ESRRB: variants seen among roughly 807,000 people sequenced by gnomAD.
ESRRB encodes the protein estrogen related receptor beta.
In ESRRB, 16 loss-of-function variants were observed where a neutral mutation model predicts 46.0. The observed-to-expected ratio is 0.35, with a 90% CI of 0.24 to 0.53. The LOEUF is 0.53. Ranked by LOEUF, ESRRB falls within the 20% of genes least tolerant of loss-of-function variation. The pLI is 0.93. For missense variants in ESRRB, 488 were observed against 607.4 expected, an observed-to-expected ratio of 0.80 and a Z score of 2.07; for synonymous variants, 246 against 259.6, an observed-to-expected ratio of 0.95 and a Z score of 0.50.
At chr14:76,408,055 T>C (rs887789925) in intron 1 of ESRRB, among the ~76,000 whole-genome samples, 1 of 152,102 alleles carries the variant, frequency 6.6e-6, no homozygotes. Context: ...CTCCAGTTAT[T>C]TCTACCTGCA....
At position 76,376,847 on chromosome 14, in the gene ESRRB, A is replaced by C. The variant is rs149795753; in HGVS notation, c.50+396A>C. ...CAAGGATGTCCTGTCCCGTCAGAGAAAGCCTTTCCCGCGGGCGCTTTGTTT... is the reference window on the plus strand; with the variant it reads ...CAAGGATGTCCTGTCCCGTCAGAGACAGCCTTTCCCGCGGGCGCTTTGTTT... On this transcript the variant is annotated intron_variant, in intron 1 of 6. Coordinates refer to ENST00000644823, the MANE Select transcript of ESRRB (RefSeq NM_001379180.1). This position sits in a 1 kb window ranked among gnomAD's most constrained non-coding sequence, Gnocchi z 4.1. Among the ~76,000 whole-genome samples, 591 of 152,288 alleles carry C rather than the reference A, an allele frequency of 3.9e-3. 7 individuals are homozygous for C. Among genetic ancestry groups the C allele is most frequent in the African/African-American group, 0.013 (550 of 41,556 alleles).
At chr14:76,417,720 G>T (rs1321613372) in intron 1 of ESRRB, among the ~76,000 whole-genome samples, 1 of 152,146 alleles carries the variant, frequency 6.6e-6, no homozygotes, top group Non-Finnish European at 1.5e-5. Flanking sequence ...GTGACTTCTG[G>T]TGACAAGAGC....
intron 1 of ESRRB, among the ~76,000 whole-genome samples, chr14:76,390,677 A>G (rs1331442191): frequency 6.6e-6 from 1 of 152,152 alleles, no homozygotes; most frequent in Non-Finnish European, 1.5e-5. Context: ...TTTTATTTCT[A>G]GAGCATAAGG....
At position 76,499,279 on chromosome 14, in the gene ESRRB, A is replaced by C; in HGVS notation, c.*821A>C. 4.2e-6 allele frequency: 1 copy of C among 240,028 alleles called. No individual in the cohort carries two copies. Among genetic ancestry groups the C allele is most frequent in the Non-Finnish European group, 8.2e-6 (1 of 121,438 alleles). 14.9% of individuals were successfully genotyped at this position (240,028 alleles called of 1,614,324 possible). ...TGGCACAGAGAAGAGCGGGGACCAC[A>C]CCATCCTCCCAAGAACCCTCTCCCT... On this transcript the variant is annotated 3_prime_UTR_variant, in exon 7 of 7. Coordinates refer to ENST00000644823, the MANE Select transcript of ESRRB (RefSeq NM_001379180.1).
chr14:76,424,041 T>C (rs117178008), intron 1 of ESRRB, among the ~76,000 whole-genome samples: 1,574 of 152,318 alleles, frequency 0.01, 15 homozygotes, highest in Non-Finnish European at 0.015. Context: ...ATGTAACTCA[T>C]GACAGCACTT....
At chr14:76,435,860 A>G (rs190584204) in intron 1 of ESRRB, among the ~76,000 whole-genome samples, 630 of 152,272 alleles carry the variant, frequency 4.1e-3, no homozygotes, top group Non-Finnish European at 7.6e-3. Context: ...AAACAAAAAC[A>G]TGGAAATGAG....
chr14:76,480,714 A>G (rs1595161011), intron 3 of ESRRB, among the ~76,000 whole-genome samples: 1 of 152,198 alleles, frequency 6.6e-6, no homozygotes, highest in South Asian at 2.1e-4. Context: ...GACAGGAAGG[A>G]AGATTCTGTT....
chr14:76,358,322 AAAAAGAAAGAAAGAAAGAAAGAAAGAAAG>A (rs1884410682), intron 1 of ESRRB, among the ~76,000 whole-genome samples: 4 of 78,114 alleles, frequency 5.1e-5, no homozygotes, highest in Non-Finnish European at 1.1e-4. Flanking sequence ...AAAAAAAAAA[AAAAAGAAAGAAAGAAAGAAAGAAAGAAAG>A]AAAGAAAGAA....
At chr14:76,404,770 GT>G (rs1022469727) in intron 1 of ESRRB, among the ~76,000 whole-genome samples, 1 of 152,138 alleles carries the variant, frequency 6.6e-6, no homozygotes, top group East Asian at 1.9e-4. Flanking sequence ...AAGATTAGCT[GT>G]TTTTTTGGCC....
intron 1 of ESRRB, among the ~76,000 whole-genome samples, chr14:76,334,398 C>A (rs1329933845): frequency 6.6e-6 from 1 of 152,136 alleles, no homozygotes; most frequent in Non-Finnish European, 1.5e-5. Flanking sequence ...GCGGAGGGCC[C>A]AGTGTACCCC....
chr14:76,410,035 C>T (rs1886366981), intron 1 of ESRRB, among the ~76,000 whole-genome samples: 1 of 152,052 alleles, frequency 6.6e-6, no homozygotes. Context: ...ACCACCCTGG[C>T]CAACATGGTG....
At chr14:76,404,453 C>A (rs1303959137) in intron 1 of ESRRB, 1 of 152,046 alleles carries the variant, frequency 6.6e-6, no homozygotes, top group Non-Finnish European at 1.5e-5. Flanking sequence ...GTGTCCAGAA[C>A]TTTGAGGTAT....
intron 1 of ESRRB, among the ~76,000 whole-genome samples, chr14:76,379,461 CAG>C (rs1884917052): frequency 1.3e-5 from 2 of 152,298 alleles, no homozygotes; most frequent in Non-Finnish European, 2.9e-5. Context: ...CATGGTAATT[CAG>C]AGTCAGTGAC....
upstream of ESRRB, among the ~76,000 whole-genome samples, chr14:76,374,024 A>T (rs985048132): frequency 6.6e-6 from 1 of 152,146 alleles, no homozygotes; most frequent in Non-Finnish European, 1.5e-5. Flanking sequence ...GCACCCACAC[A>T]GAGTAAGGAG....
At chr14:76,322,669 T>C (rs981724276) in intron 1 of ESRRB, among the ~76,000 whole-genome samples, 1 of 152,188 alleles carries the variant, frequency 6.6e-6, no homozygotes, top group African/African-American at 2.4e-5. Context: ...GACACGAACA[T>C]GTTCATCCCT....
rs1398116838 is a variant in ESRRB, at chr14:76,437,919, T to C, written c.51-1422T>C. The stretch of plus-strand genomic sequence containing the variant: ...GAGGGGCTTGGTTTACAGGAAACAT[T>C]CTGTTATCCCACACAGTGATCTTGC... On this transcript the variant is annotated intron_variant, in intron 1 of 6. Coordinates refer to ENST00000644823, the MANE Select transcript of ESRRB (RefSeq NM_001379180.1). Among the ~76,000 whole-genome samples, 4 of 152,228 alleles carry C rather than the reference T, an allele frequency of 2.6e-5. No homozygotes were observed. The East Asian group carries it at 7.7e-4, about 29-fold the overall frequency.
chr14:76,470,030 C>G, intron 3 of ESRRB, among the ~76,000 whole-genome samples: 1 of 149,412 alleles, frequency 6.7e-6, no homozygotes. Flanking sequence ...TCACTGCAAC[C>G]CCTGCCTCCC....
intron 1 of ESRRB, among the ~76,000 whole-genome samples, chr14:76,319,674 A>G (rs1883844967): frequency 6.6e-6 from 1 of 152,192 alleles, no homozygotes. Context: ...CCCAGGGGAA[A>G]AGACCACAAG....
chr14:76,494,549 C>T (rs1377635341), intron 6 of ESRRB, among the ~76,000 whole-genome samples: 1 of 152,168 alleles, frequency 6.6e-6, no homozygotes, highest in Non-Finnish European at 1.5e-5. Context: ...TCAGGTGATC[C>T]ACCCACCTCA....
Sources: allele counts gnomAD v4.1 joint callset (sites outside exome capture counted in the v4.1 genomes callset), GRCh38; gene constraint gnomAD v4.1.1; non-coding constraint Gnocchi (gnomAD v3.1); transcripts MANE v1.5; gene names NCBI Gene and HGNC (gene_info 2026-07-23, HGNC 2026-07-21).